The following ARHGAP25 variants were observed in gnomAD, a reference collection of about 807,000 sequenced individuals.
The protein encoded by ARHGAP25 is Rho GTPase activating protein 25, also known as rho GTPase-activating protein 25.
In ARHGAP25, 34 loss-of-function variants were observed where a neutral mutation model predicts 71.0. The observed-to-expected ratio is 0.48, with a 90% CI of 0.36 to 0.64. The LOEUF is 0.64. ARHGAP25 is among the 30% of genes least tolerant of loss of function. The probability of loss-of-function intolerance (pLI) is 0.00; values close to 1 mark genes in which losing one functional copy is unlikely to be tolerated. For missense variants in ARHGAP25, 706 were observed against 805.1 expected (o/e 0.88, Z 1.49); for synonymous variants, 282 against 296.5 (o/e 0.95, Z 0.50).
intron 2 of ARHGAP25, among the ~76,000 whole-genome samples, chr2:68,717,964 A>T (rs190306344): frequency 7.2e-5 from 11 of 152,308 alleles, no homozygotes; most frequent in Admixed American, 6.5e-4. Flanking sequence ...ATATAATTAG[A>T]ATAGTAAGTA....
At chr2:68,780,526 A>G (rs912747075) in intron 2 of ARHGAP25, among the ~76,000 whole-genome samples, 1 of 152,174 alleles carries the variant, frequency 6.6e-6, no homozygotes, top group Admixed American at 6.5e-5. Context: ...TTAAATAATA[A>G]AATTAGAGGA....
At chr2:68,715,079 G>A (rs1674577247) in intron 2 of ARHGAP25, among the ~76,000 whole-genome samples, 2 of 152,114 alleles carry the variant, frequency 1.3e-5, no homozygotes, top group African/African-American at 4.8e-5. Context: ...TGGGGCTTGT[G>A]CGCTGGAAGG....
chr2:68,819,349 T>C (rs1241174021), intron 9 of ARHGAP25, 30 bp downstream of exon 9: 10 of 1,611,104 alleles, frequency 6.2e-6, no homozygotes, highest in East Asian at 2.2e-5. Flanking sequence ...CCTGCTTCCA[T>C]TGGGTTCTTC....
chr2:68,775,236 T>C lies in ARHGAP25; in HGVS notation c.77T>C (p.Val26Ala), dbSNP rs1305418813. Residue 26 changes from valine to alanine, a missense_variant, in exon 2 of 11, where the codon GTG becomes GCG. By Grantham distance (64) the Val-to-Ala change is moderately conservative. Transcript: ENST00000409202. ...EAAKIARSRS[V>A]MTGEQMAAFH... The stretch of plus-strand genomic sequence containing the variant: ...CTCTCTATAGCTCGGTCAAGGAGTG[T>C]GATGACTGGCGAGCAGATGGCTGCC... 6.2e-7 allele frequency: 1 copy of C among 1,614,136 alleles called. No homozygotes were observed. The highest frequency in any genetic ancestry group is 1.7e-5 in the Admixed American group (1 of 60,010).
Position 68,800,525 on chromosome 2 carries a change from C to A in ARHGAP25, c.467-6748C>A, listed in dbSNP as rs553748597. 8.6e-5 allele frequency among the ~76,000 whole-genome samples: 13 copies of A among 151,954 alleles called. No individual in the cohort carries two copies. The East Asian group carries it at 2.5e-3, about 29-fold the overall frequency. ...TTAGGTCTGAGGACTGGAGACAAGG[C>A]GAACATGGTATGAGGGGAGGTGGGG... is the stretch of plus-strand genomic sequence containing the variant. On this transcript the variant is annotated intron_variant, in intron 4 of 10. Coordinates refer to ENST00000409202, the MANE Select transcript of ARHGAP25 (RefSeq NM_001007231.3).
chr2:68,745,351 C>G (rs1042255307), intron 1 of ARHGAP25, among the ~76,000 whole-genome samples: 9 of 152,322 alleles, frequency 5.9e-5, no homozygotes, highest in African/African-American at 1.9e-4. Context: ...ATGTGCCCAG[C>G]TCACCCACTC....
At chr2:68,730,775 C>T (rs547266497), upstream of ARHGAP25, among the ~76,000 whole-genome samples, 12 of 152,256 alleles carry the variant, frequency 7.9e-5, no homozygotes, top group African/African-American at 2.6e-4. Flanking sequence ...GGGGGCCATA[C>T]ATCATTTCTG....
intron 3 of ARHGAP25, among the ~76,000 whole-genome samples, chr2:68,787,111 T>A (rs967898637): frequency 6.6e-6 from 1 of 152,224 alleles, no homozygotes; most frequent in East Asian, 1.9e-4. Flanking sequence ...CTTTTTCACT[T>A]TCCCACATTC....
chr2:68,822,408 C>G lies in ARHGAP25; in HGVS notation c.1269C>G (p.Ser423Arg), dbSNP rs1382631698. The change falls in exon 10 of 11, where the codon AGC (serine) becomes AGG (arginine). Residue 423 changes from serine to arginine, a missense_variant. Coordinates refer to ENST00000409202, the MANE Select transcript of ARHGAP25 (RefSeq NM_001007231.3). ...GCGATGCGTTTCCGGAGGACAGCAGCAAAGTACCCAGGGAAAAGCCAGGAG... is the reference window on the plus strand; with the variant it reads ...GCGATGCGTTTCCGGAGGACAGCAGGAAAGTACCCAGGGAAAAGCCAGGAG... ...QPSDAFPEDSSKVPREKPGDW... is the reference protein window; with the variant it reads ...QPSDAFPEDSRKVPREKPGDW... The G allele has an allele frequency of 6.2e-7, 1 of 1,614,028 alleles. No individual in the cohort carries two copies. The highest frequency in any genetic ancestry group is 8.5e-7 in the Non-Finnish European group (1 of 1,180,038).
chr2:68,801,707 G>T (rs1032685874), intron 4 of ARHGAP25, among the ~76,000 whole-genome samples: 7 of 152,074 alleles, frequency 4.6e-5, no homozygotes, highest in African/African-American at 1.7e-4. Context: ...GCCTTTGAGG[G>T]GTCCACAGTC....
chr2:68,738,069 G>A (rs944376195), intron 1 of ARHGAP25, among the ~76,000 whole-genome samples: 29 of 152,314 alleles, frequency 1.9e-4, no homozygotes, highest in Admixed American at 9.1e-4. Flanking sequence ...AGGAATAGGG[G>A]TTGGAAGAAA....
At chr2:68,742,175 T>A (rs1007979024) in intron 1 of ARHGAP25, among the ~76,000 whole-genome samples, 22 of 152,314 alleles carry the variant, frequency 1.4e-4, no homozygotes, top group African/African-American at 4.1e-4. Context: ...TGGATGGGGC[T>A]GCGATACCCC....
At chr2:68,821,330 G>A (rs894989943) in intron 9 of ARHGAP25, among the ~76,000 whole-genome samples, 5 of 152,008 alleles carry the variant, frequency 3.3e-5, no homozygotes, top group Non-Finnish European at 7.4e-5. Flanking sequence ...GAACTCCTGA[G>A]CTCAAGTGAT....
chr2:68,793,270 G>C (rs1353201003), intron 4 of ARHGAP25, among the ~76,000 whole-genome samples: 2 of 152,076 alleles, frequency 1.3e-5, no homozygotes, highest in Non-Finnish European at 2.9e-5. Context: ...AAGCTTTTTA[G>C]CTTAATTAAG....
chr2:68,748,748 A>G (rs767115919), intron 1 of ARHGAP25, among the ~76,000 whole-genome samples: 60 of 152,200 alleles, frequency 3.9e-4, no homozygotes, highest in Non-Finnish European at 7.3e-4. Context: ...CTAATTTGGA[A>G]CAGCATGTGG....
chr2:68,748,789 G>A (rs1443750233), intron 1 of ARHGAP25, among the ~76,000 whole-genome samples: 7 of 152,138 alleles, frequency 4.6e-5, no homozygotes, highest in Admixed American at 6.5e-5. Flanking sequence ...CCCTGAGGGC[G>A]GTCAGGTCTT....
At chr2:68,750,911 G>A (rs1301093033) in intron 1 of ARHGAP25, among the ~76,000 whole-genome samples, 1 of 152,164 alleles carries the variant, frequency 6.6e-6, no homozygotes, top group East Asian at 1.9e-4. Context: ...GTAGTGAGGA[G>A]GAGGCACTAA....
chr2:68,806,812 G>C (rs1013913857), intron 4 of ARHGAP25, among the ~76,000 whole-genome samples: 1 of 152,164 alleles, frequency 6.6e-6, no homozygotes, highest in Non-Finnish European at 1.5e-5. Context: ...ACTCAAAACG[G>C]CCTGCTTGCT....
rs868741449 is a variant in ARHGAP25, at chr2:68,712,440, T to G, written c.-18+1742T>G. ...GTCAGATGGATAGATTGCAAAAATT[T>G]TCTCCCATTTTGTAGGTTGCCTGTT... On this transcript the variant is annotated intron_variant and NMD_transcript_variant, in intron 2 of 7. Coordinates refer to the ARHGAP25 transcript ENST00000463483. Among the ~76,000 whole-genome samples, 9 of 152,380 alleles carry G rather than the reference T, an allele frequency of 5.9e-5. No individual in the cohort carries two copies. The South Asian group carries it at 1.9e-3, about 32-fold the overall frequency.
Sources: allele counts gnomAD v4.1 joint callset (sites outside exome capture counted in the v4.1 genomes callset), GRCh38; gene constraint gnomAD v4.1.1; transcripts MANE v1.5; gene names NCBI Gene and HGNC (gene_info 2026-07-23, HGNC 2026-07-21).